Variants in EVI5 observed in about 807,000 individuals in gnomAD.
EVI5 encodes ecotropic viral integration site 5.
EVI5 carries 73 observed loss-of-function variants against 112.0 expected under a neutral mutation model. The ratio of observed to expected loss-of-function variants is 0.65; its 90% CI spans 0.54 to 0.79. The LOEUF (loss-of-function observed/expected upper bound fraction) is 0.79, where lower values mean the gene tolerates loss of function less well. EVI5 is among the 30% of genes least tolerant of loss of function. EVI5 has a pLI of 0.00. For synonymous variants in EVI5, 305 were observed against 319.9 expected (o/e 0.95, Z 0.50); for missense variants, 900 against 968.8 (o/e 0.93, Z 0.94).
intron 13 of EVI5, among the ~76,000 whole-genome samples, chr1:92,640,482 C>T (rs906583386): frequency 1.3e-4 from 19 of 151,942 alleles, no homozygotes; most frequent in African/African-American, 3.4e-4. Flanking sequence ...GACATTTACA[C>T]GGCCAAAAAA....
chr1:92,570,726 TA>T (rs1308755606), intron 18 of EVI5, among the ~76,000 whole-genome samples: 1 of 152,048 alleles, frequency 6.6e-6, no homozygotes, highest in Admixed American at 6.5e-5. Flanking sequence ...AAAATTCTGG[TA>T]AAACAAAAAT....
chr1:92,695,364 A>T lies in EVI5; in HGVS notation c.855T>A (p.Leu285=). Residue 285 remains leucine, a synonymous_variant, in exon 7 of 20, where the codon CTT becomes CTA. Transcript: ENST00000684568. ...TTGCAATTGGTAGTGGAAAAGTTGT[A>T]AGAAAGATAGTCAGAAACCAGGATG... The part of the protein sequence containing the change: ...YASSWFLTIF[L]TTFPLPIATR... 1 of 1,610,030 alleles carries T rather than the reference A, an allele frequency of 6.2e-7. No individual in the cohort carries two copies. Among genetic ancestry groups the T allele is most frequent in the Non-Finnish European group, 8.5e-7 (1 of 1,176,520 alleles).
At chr1:92,577,880 G>A (rs1671321975) in intron 18 of EVI5, among the ~76,000 whole-genome samples, 1 of 152,178 alleles carries the variant, frequency 6.6e-6, no homozygotes, top group Non-Finnish European at 1.5e-5. Context: ...CTCAGTGAAA[G>A]TTTTAGACCC....
At chr1:92,726,623 A>T (rs919824300) in intron 2 of EVI5, among the ~76,000 whole-genome samples, 4 of 152,204 alleles carry the variant, frequency 2.6e-5, no homozygotes, top group Non-Finnish European at 4.4e-5. Flanking sequence ...AAAGGACAGA[A>T]GAGCATTAGA....
intron 1 of EVI5, among the ~76,000 whole-genome samples, chr1:92,750,136 C>T (rs2102916838): frequency 6.6e-6 from 1 of 152,122 alleles, no homozygotes; most frequent in African/African-American, 2.4e-5. Context: ...AAACAAAGAT[C>T]ATGCAAATTT....
chr1:92,604,234 C>T (rs1367461228), intron 18 of EVI5, among the ~76,000 whole-genome samples: 1 of 151,696 alleles, frequency 6.6e-6, no homozygotes, highest in East Asian at 1.9e-4. Context: ...GTCATGTGTG[C>T]CTGTAGTCCC....
intron 18 of EVI5, among the ~76,000 whole-genome samples, chr1:92,604,414 C>T (rs1011790727): frequency 6.6e-6 from 1 of 151,792 alleles, no homozygotes; most frequent in African/African-American, 2.4e-5. Flanking sequence ...TAGGCCTACA[C>T]AGGGTCAGCA....
intron 3 of EVI5, 55 bp from the exon 4 acceptor site, chr1:92,703,674 G>A (rs887744212): frequency 1.4e-5 from 15 of 1,092,874 alleles, no homozygotes; most frequent in Admixed American, 2.5e-5. Flanking sequence ...TATCTTGCAA[G>A]CCAAGGAAGA....
rs1356475374 is a variant in EVI5 at position 92,661,689 on chromosome 1, TA to T, written c.1392+1029del. 1.3e-5 allele frequency among the ~76,000 whole-genome samples: 2 copies of T among 152,034 alleles called. 1 individual carries two copies. The highest frequency in any genetic ancestry group is 4.1e-4 in the South Asian group (2 of 4,820). On this transcript the variant is annotated intron_variant, in intron 13 of 19. Coordinates refer to ENST00000684568, the MANE Select transcript of EVI5 (RefSeq NM_001350197.2). The stretch of plus-strand genomic sequence containing the variant: ...ATTCATTTTTCTTAGCAATCTTCAA[TA>T]ACAGAAAAAAAAAGATGTTTATGAC...
rs1383995627 is a variant in EVI5 at position 92,693,402 on chromosome 1, A to C, written c.1097+400T>G. 2.0e-5 allele frequency among the ~76,000 whole-genome samples: 3 copies of C among 152,140 alleles called. 1 individual carries two copies. The highest frequency in any genetic ancestry group is 4.8e-5 in the African/African-American group (2 of 41,502). ...GCCTGTCTCTAAAATAAATAAATAA[A>C]ATTTTAAGTTCTCAATCCATACCTC... On this transcript the variant is annotated intron_variant, in intron 9 of 19. Transcript: ENST00000684568.
intron 16 of EVI5, among the ~76,000 whole-genome samples, chr1:92,621,191 CAAAG>C (rs1557919154): frequency 1.3e-5 from 2 of 151,978 alleles, no homozygotes; most frequent in Admixed American, 6.6e-5. Context: ...AACAAAGAAA[CAAAG>C]AACAGATGGA....
intron 1 of EVI5, among the ~76,000 whole-genome samples, chr1:92,781,350 T>C (rs1028222048): frequency 1.3e-5 from 2 of 151,784 alleles, no homozygotes; most frequent in Admixed American, 6.6e-5. Context: ...CTACAAAACA[T>C]ACAAAAATTA....
intron 1 of EVI5, among the ~76,000 whole-genome samples, chr1:92,791,516 A>G (rs1686088381): frequency 1.3e-5 from 2 of 152,218 alleles, no homozygotes; most frequent in African/African-American, 4.8e-5. Flanking sequence ...CCAATGTGCA[A>G]AAACAAAAAG....
intron 1 of EVI5, chr1:92,774,059 C>G (rs1052936005): frequency 4.0e-5 from 6 of 151,258 alleles, no homozygotes; most frequent in African/African-American, 9.7e-5. Context: ...AAAAAACTTA[C>G]AAATTATTTC....
intron 18 of EVI5, among the ~76,000 whole-genome samples, chr1:92,587,887 T>G (rs892850013): frequency 3.3e-5 from 5 of 152,216 alleles, no homozygotes; most frequent in African/African-American, 1.2e-4. Context: ...CAAAAATCAA[T>G]ATGCTTATCT....
intron 2 of EVI5, among the ~76,000 whole-genome samples, chr1:92,710,885 T>C (rs1279753892): frequency 2.0e-5 from 3 of 152,214 alleles, no homozygotes; most frequent in African/African-American, 7.2e-5. Context: ...TGGGTGGGAC[T>C]GGGGAATAAG....
At chr1:92,630,690 A>G (rs1274123742) in intron 14 of EVI5, among the ~76,000 whole-genome samples, 2 of 152,018 alleles carry the variant, frequency 1.3e-5, no homozygotes, top group East Asian at 3.9e-4. Flanking sequence ...CCATTTGTCA[A>G]TTTTGGCTTT....
chr1:92,754,468 T>C (rs1286750291), intron 1 of EVI5, among the ~76,000 whole-genome samples: 16 of 152,336 alleles, frequency 1.1e-4, no homozygotes, highest in Non-Finnish European at 2.1e-4. Flanking sequence ...AGTTTCTGTA[T>C]GTCAGAAACT....
intron 9 of EVI5, among the ~76,000 whole-genome samples, chr1:92,683,620 G>A (rs957955351): frequency 6.6e-6 from 1 of 152,128 alleles, no homozygotes; most frequent in Non-Finnish European, 1.5e-5. Context: ...TGAGCTAAAG[G>A]AGCATGCTCT....
Sources: gnomAD v4.1 joint callset for allele counts (sites outside exome capture counted in the v4.1 genomes callset) on GRCh38, gnomAD v4.1.1 for gene constraint, MANE v1.5 for transcripts, NCBI Gene and HGNC (gene_info 2026-07-23, HGNC 2026-07-21) for gene names.